The following EIF3H variants were observed in gnomAD, a reference collection of about 807,000 sequenced individuals.
The protein encoded by EIF3H is eukaryotic translation initiation factor 3 subunit H, also known as eIF-3-gamma.
Under a neutral mutation model 44.2 loss-of-function variants are expected in EIF3H, and 26 were observed. That is an observed-to-expected ratio of 0.59 (90% CI 0.43 to 0.82). The LOEUF is 0.82. Among genes scored for constraint, EIF3H ranks in the 40% least tolerant of loss-of-function variants. The pLI is 0.00. For missense variants in EIF3H, 359 were observed against 432.8 expected (o/e 0.83, Z 1.51); for synonymous variants, 166 against 151.9 (o/e 1.09, Z -0.68).
chr8:116,759,032 G>A (rs939296784), upstream of EIF3H, among the ~76,000 whole-genome samples: 1 of 152,184 alleles, frequency 6.6e-6, no homozygotes, highest in Non-Finnish European at 1.5e-5. Context: ...GAAACTGAAT[G>A]TATTTAATCA....
intron 2 of EIF3H, among the ~76,000 whole-genome samples, chr8:116,665,477 C>T (rs372532414): frequency 6.6e-6 from 1 of 152,012 alleles, no homozygotes; most frequent in African/African-American, 2.4e-5. Flanking sequence ...AGATCTAGTA[C>T]ATGTTCTTTG....
chr8:116,646,803 A>G (rs1287216996), intron 6 of EIF3H, among the ~76,000 whole-genome samples, 200 bp from the exon 7 acceptor site: 1 of 152,180 alleles, frequency 6.6e-6, no homozygotes, highest in Non-Finnish European at 1.5e-5. Flanking sequence ...TGAAAACTCT[A>G]GTGTCACTCT....
In EIF3H at chr8:116,644,847, A is replaced by AT. The variant is rs1336299687; in HGVS notation, c.*158dup. The AT allele has an allele frequency of 9.4e-5, 53 of 563,172 alleles. No individual in the cohort carries two copies. Among genetic ancestry groups the AT allele is most frequent in the Non-Finnish European group, 4.4e-5 (14 of 316,934 alleles). 34.9% of individuals were successfully genotyped at this position (563,172 alleles called of 1,614,324 possible). On this transcript the variant is annotated 3_prime_UTR_variant, in exon 8 of 8. Coordinates refer to ENST00000521861, the MANE Select transcript of EIF3H (RefSeq NM_003756.3). ...GAGCAAGCAGTCAAGATTTTGTTTT[A>AT]TTTTATTATGGCTAGAAAGACACTG... is the stretch of plus-strand genomic sequence containing the variant.
At chr8:116,674,331 TG>T (rs1160502309) in intron 2 of EIF3H, among the ~76,000 whole-genome samples, 1 of 24,104 alleles carries the variant, frequency 4.1e-5, no homozygotes, top group Non-Finnish European at 8.6e-5. Context: ...TGGGGGGGGG[TG>T]GGGGGGAAGG....
At chr8:116,661,784 T>G (rs1813589887) in intron 2 of EIF3H, among the ~76,000 whole-genome samples, 1 of 152,176 alleles carries the variant, frequency 6.6e-6, no homozygotes, top group South Asian at 2.1e-4. Context: ...ATAGCAAACT[T>G]CCAAATTTCT....
chr8:116,674,993 G>T (rs1813822202), intron 2 of EIF3H, among the ~76,000 whole-genome samples: 1 of 152,044 alleles, frequency 6.6e-6, no homozygotes, highest in Non-Finnish European at 1.5e-5. Context: ...TCCTGTAGTT[G>T]GAACTCTTGT....
chr8:116,696,918 ACAC>A, intron 2 of EIF3H: 1 of 324,890 alleles, frequency 3.1e-6, no homozygotes, highest in Non-Finnish European at 6.1e-6. Context: ...GTAAAAGAAA[ACAC>A]AAAACCAACA....
At chr8:116,727,730 T>G (rs973431330) in intron 1 of EIF3H, among the ~76,000 whole-genome samples, 1 of 152,254 alleles carries the variant, frequency 6.6e-6, no homozygotes, top group Non-Finnish European at 1.5e-5. Flanking sequence ...TTTAAATTAC[T>G]TTCATTCCCA....
chr8:116,752,719 A>AGAAAGAAG (rs1563662974), intron 1 of EIF3H, among the ~76,000 whole-genome samples: 1 of 121,848 alleles, frequency 8.2e-6, no homozygotes, highest in Admixed American at 8.2e-5. Flanking sequence ...AAAGAAAGAA[A>AGAAAGAAG]GAAAGAAAGA....
At chr8:116,690,533 TAAAC>T in intron 2 of EIF3H, among the ~76,000 whole-genome samples, 1 of 151,950 alleles carries the variant, frequency 6.6e-6, no homozygotes, top group Non-Finnish European at 1.5e-5. Flanking sequence ...CATCTCTAAA[TAAAC>T]AAAACAAAAC....
At chr8:116,755,399 TCATCTCAAAA>T (rs377670942) in intron 1 of EIF3H, among the ~76,000 whole-genome samples, 23 of 152,026 alleles carry the variant, frequency 1.5e-4, no homozygotes, top group African/African-American at 5.3e-4. Context: ...CCCCCACCGG[TCATCTCAAAA>T]CAAGACCCCA....
chr8:116,690,365 T>C (rs1176956584), intron 2 of EIF3H, among the ~76,000 whole-genome samples: 2 of 138,476 alleles, frequency 1.4e-5, no homozygotes, highest in Non-Finnish European at 3.2e-5. Context: ...ATAATGGTTA[T>C]TGGAAATAAA....
chr8:116,707,478 G>C (rs1484922561), intron 2 of EIF3H, among the ~76,000 whole-genome samples: 1 of 152,100 alleles, frequency 6.6e-6, no homozygotes, highest in Non-Finnish European at 1.5e-5. Flanking sequence ...CAAGATAGAA[G>C]GGAAGGCAAA....
At chr8:116,668,916 A>G (rs1482960125) in intron 2 of EIF3H, among the ~76,000 whole-genome samples, 2 of 152,326 alleles carry the variant, frequency 1.3e-5, no homozygotes, top group East Asian at 3.9e-4. Context: ...CATCTGGGTC[A>G]GAAGGAAATG....
At chr8:116,647,188 G>A (rs942225749) in intron 6 of EIF3H, among the ~76,000 whole-genome samples, 9 of 151,378 alleles carry the variant, frequency 5.9e-5, no homozygotes, top group Admixed American at 6.6e-5. Flanking sequence ...CCGCCTCCCC[G>A]CCTCCCCAGT....
chr8:116,655,846 G>C lies in EIF3H; in HGVS notation c.707+10C>G. On this transcript the variant is annotated intron_variant, in intron 5 of 7. Transcript: ENST00000521861. ...AAAACATGGGCTTTTCATTAGGCAG[G>C]GCCACTTACCTGCTGGCAAGGCTGA... 1 of 1,613,078 alleles carries C rather than the reference G, an allele frequency of 6.2e-7. No homozygotes were observed. Among genetic ancestry groups the C allele is most frequent in the Non-Finnish European group, 8.5e-7 (1 of 1,179,494 alleles).
intron 2 of EIF3H, among the ~76,000 whole-genome samples, chr8:116,712,032 C>T (rs1463048211): frequency 1.3e-5 from 2 of 152,174 alleles, no homozygotes; most frequent in African/African-American, 2.4e-5. Context: ...AAAGGAGACA[C>T]TAAAGTGAGA....
rs1175085000 is a variant in EIF3H at position 116,734,767 on chromosome 8, C to T, written c.133-8595G>A. ...TGGAGACAGGGTTTCACCATGTTGG[C>T]CAGGCTGGTCTCACACTCCTGGCCT... is the stretch of plus-strand genomic sequence containing the variant. On this transcript the variant is annotated intron_variant, in intron 1 of 7. Coordinates refer to ENST00000521861, the MANE Select transcript of EIF3H (RefSeq NM_003756.3). Among the ~76,000 whole-genome samples the T allele has an allele frequency of 3.3e-5, 5 of 152,158 alleles. No homozygotes were observed. The East Asian group carries it at 9.6e-4, about 29-fold the overall frequency.
chr8:116,705,500 C>A (rs868292622), intron 2 of EIF3H, among the ~76,000 whole-genome samples: 2 of 138,568 alleles, frequency 1.4e-5, no homozygotes, highest in East Asian at 2.1e-4. Context: ...CACCCCCCCC[C>A]ACCACCAACA....
Sources: gnomAD v4.1 joint callset for allele counts (sites outside exome capture counted in the v4.1 genomes callset) on GRCh38, gnomAD v4.1.1 for gene constraint, MANE v1.5 for transcripts, NCBI Gene and HGNC (gene_info 2026-07-23, HGNC 2026-07-21) for gene names.